The following CNTNAP4 variants were observed in gnomAD, a reference collection of about 807,000 sequenced individuals.
CNTNAP4 encodes contactin-associated protein-like 4.
Under a neutral mutation model 148.4 loss-of-function variants are expected in CNTNAP4, and 98 were observed. The observed-to-expected ratio is 0.66, with a 90% confidence interval of 0.56 to 0.78. The LOEUF is 0.78. CNTNAP4 is among the 30% of genes least tolerant of loss of function. The pLI is 0.00. For missense variants in CNTNAP4, 1,935 were observed against 1,565.6 expected, an observed-to-expected ratio of 1.24 and a Z score of -3.98; for synonymous variants, 730 against 565.1, an observed-to-expected ratio of 1.29 and a Z score of -4.14.
At chr16:76,418,725 T>TG (rs1471055919) in intron 3 of CNTNAP4, among the ~76,000 whole-genome samples, 1 of 56,092 alleles carries the variant, frequency 1.8e-5, no homozygotes, top group South Asian at 4.2e-4. Context: ...CTGCAGAGTG[T>TG]GGGGTTTTTT....
chr16:76,512,387 C>T lies in CNTNAP4; in HGVS notation c.2366-8753C>T, dbSNP rs577430085. 2.0e-5 allele frequency among the ~76,000 whole-genome samples: 3 copies of T among 152,072 alleles called. No individual in the cohort carries two copies. The East Asian group carries it at 5.8e-4, about 29-fold the overall frequency. On this transcript the variant is annotated intron_variant, in intron 15 of 23. Coordinates refer to ENST00000611870, the MANE Select transcript of CNTNAP4 (RefSeq NM_033401.5). ...ATTATGGTAGCTTGAGCCATGGGTGCAATGATGAGAGTTGTGGTGTGGGTA... is the reference window on the plus strand; with the variant it reads ...ATTATGGTAGCTTGAGCCATGGGTGTAATGATGAGAGTTGTGGTGTGGGTA...
intron 17 of CNTNAP4, among the ~76,000 whole-genome samples, chr16:76,531,801 G>A (rs565124707): frequency 5.1e-4 from 78 of 152,250 alleles, no homozygotes; most frequent in African/African-American, 1.9e-3. Context: ...ATACATGTAT[G>A]ACACAACGGT....
intron 1 of CNTNAP4, among the ~76,000 whole-genome samples, chr16:76,286,737 C>T (rs966973587): frequency 6.6e-6 from 1 of 152,202 alleles, no homozygotes; most frequent in Admixed American, 6.5e-5. Context: ...TCACTTTTAT[C>T]TCTCAATTTT....
At position 76,393,805 on chromosome 16, in the gene CNTNAP4, A is replaced by G. The variant is rs114865602; in HGVS notation, c.391-33647A>G. Among the ~76,000 whole-genome samples, 990 of 152,336 alleles carry G rather than the reference A, an allele frequency of 6.5e-3. 9 individuals carry two copies. The highest frequency in any genetic ancestry group is 0.022 in the African/African-American group (930 of 41,576). ...GCTATGAGAACATGCACTAAAATCT[A>G]GAGGTCCTCGATGTCTCTTCAGAGA... is the stretch of plus-strand genomic sequence containing the variant. On this transcript the variant is annotated intron_variant, in intron 3 of 23. Transcript: ENST00000611870.
At chr16:76,384,400 G>T (rs1280254282) in intron 3 of CNTNAP4, among the ~76,000 whole-genome samples, 1 of 152,034 alleles carries the variant, frequency 6.6e-6, no homozygotes, top group Non-Finnish European at 1.5e-5. Flanking sequence ...TGGCAGTAAT[G>T]AGCACCATGA....
chr16:76,518,446 T>C (rs2083333808), intron 15 of CNTNAP4, among the ~76,000 whole-genome samples: 1 of 152,160 alleles, frequency 6.6e-6, no homozygotes, highest in Admixed American at 6.5e-5. Flanking sequence ...TATTCTAAAA[T>C]CTCTAGTACC....
intron 2 of CNTNAP4, among the ~76,000 whole-genome samples, chr16:76,334,440 G>C (rs1013778801): frequency 6.6e-6 from 1 of 151,978 alleles, no homozygotes; most frequent in Non-Finnish European, 1.5e-5. Flanking sequence ...TGTAAGTTAC[G>C]TTCACTCTTA....
chr16:76,402,838 T>C (rs559550824), intron 3 of CNTNAP4, among the ~76,000 whole-genome samples: 22 of 152,176 alleles, frequency 1.4e-4, no homozygotes, highest in Non-Finnish European at 2.8e-4. Flanking sequence ...TTAATTTCCA[T>C]GTAATTGCAT....
chr16:76,376,752 C>T (rs1174911155), intron 3 of CNTNAP4, among the ~76,000 whole-genome samples: 1 of 152,090 alleles, frequency 6.6e-6, no homozygotes, highest in Non-Finnish European at 1.5e-5. Flanking sequence ...TGGTAGGACA[C>T]TAGGACAAGG....
chr16:76,452,778 T>A lies in CNTNAP4; in HGVS notation c.1333+9T>A, dbSNP rs757743283. The A allele has an allele frequency of 2.6e-6, 4 of 1,548,182 alleles. No homozygotes were observed. In the Admixed American group the frequency reaches 8.1e-5, roughly 31 times the overall value. On this transcript the variant is annotated intron_variant, in intron 8 of 23. Transcript: ENST00000611870. ...CAGTGACATCACAGCAGGTAATAAATGTATTCCCTGGGGCAAAGCATATGG... is the reference window on the plus strand; with the variant it reads ...CAGTGACATCACAGCAGGTAATAAAAGTATTCCCTGGGGCAAAGCATATGG...
chr16:76,345,190 T>C (rs2115390), intron 2 of CNTNAP4, among the ~76,000 whole-genome samples: 1,897 of 152,292 alleles, frequency 0.012, 55 homozygotes, highest in African/African-American at 0.043. Context: ...ATGCAGCAGT[T>C]GTGTAATAGC....
intron 3 of CNTNAP4, among the ~76,000 whole-genome samples, chr16:76,400,062 T>C (rs183621677): frequency 6.6e-6 from 1 of 152,330 alleles, no homozygotes; most frequent in Admixed American, 6.5e-5. Flanking sequence ...GCAATGTGCT[T>C]AATAATACCT....
intron 2 of CNTNAP4, among the ~76,000 whole-genome samples, chr16:76,327,469 G>C (rs1172185531): frequency 3.9e-5 from 6 of 152,110 alleles, no homozygotes; most frequent in African/African-American, 1.4e-4. Context: ...GGGTACCTGG[G>C]TTGATACCAT....
chr16:76,396,235 T>A (rs1453596529), intron 3 of CNTNAP4, among the ~76,000 whole-genome samples: 1 of 152,206 alleles, frequency 6.6e-6, no homozygotes, highest in Non-Finnish European at 1.5e-5. Flanking sequence ...TTGTGCATAT[T>A]CATTTGCCAT....
intron 1 of CNTNAP4, among the ~76,000 whole-genome samples, chr16:76,304,430 G>A (rs1184840538): frequency 2.0e-5 from 3 of 152,056 alleles, no homozygotes; most frequent in African/African-American, 4.8e-5. Context: ...AGAATTTCCC[G>A]GTAGGATGGG....
chr16:76,551,449 A>G (rs912407598), intron 21 of CNTNAP4, among the ~76,000 whole-genome samples: 1 of 151,286 alleles, frequency 6.6e-6, no homozygotes, highest in African/African-American at 2.4e-5. Context: ...AGGGTTAGTT[A>G]AAGTCTAGCT....
intron 14 of CNTNAP4, among the ~76,000 whole-genome samples, chr16:76,496,130 A>C (rs903938726): frequency 1.7e-5 from 2 of 120,320 alleles, no homozygotes; most frequent in African/African-American, 5.9e-5. Flanking sequence ...TTAGAATTGC[A>C]CTTACTTTTA....
intron 14 of CNTNAP4, among the ~76,000 whole-genome samples, chr16:76,497,503 TG>T (rs772139820): frequency 5.1e-4 from 78 of 152,054 alleles, no homozygotes; most frequent in Non-Finnish European, 9.4e-4. Context: ...AGAAATCATA[TG>T]GGGGGCAGCC....
chr16:76,430,756 G>A lies in CNTNAP4; in HGVS notation c.538+3157G>A, dbSNP rs538421409. ...CATTCACTCAAGTGTAGCACACCTCGCAGACTGCTTCATCTCTTCTGACAT... is the reference window on the plus strand; with the variant it reads ...CATTCACTCAAGTGTAGCACACCTCACAGACTGCTTCATCTCTTCTGACAT... On this transcript the variant is annotated intron_variant, in intron 4 of 23. Transcript: ENST00000611870. 6.7e-4 allele frequency among the ~76,000 whole-genome samples: 102 copies of A among 152,204 alleles called. 1 individual carries two copies. The highest frequency in any genetic ancestry group is 2.3e-3 in the South Asian group (11 of 4,824).
Sources: gnomAD v4.1 joint callset for allele counts (sites outside exome capture counted in the v4.1 genomes callset) on GRCh38, gnomAD v4.1.1 for gene constraint, MANE v1.5 for transcripts, NCBI Gene and HGNC (gene_info 2026-07-23, HGNC 2026-07-21) for gene names.